The following GPCPD1 variants were observed in gnomAD, a reference collection of about 807,000 sequenced individuals.
The protein encoded by GPCPD1 is glycerophosphocholine phosphodiesterase GPCPD1.
Under a neutral mutation model 89.2 loss-of-function variants are expected in GPCPD1, and 29 were observed. The ratio of observed to expected loss-of-function variants is 0.33; its 90% CI spans 0.24 to 0.44. The LOEUF (loss-of-function observed/expected upper bound fraction) is 0.44, where lower values mean the gene tolerates loss of function less well. GPCPD1 is among the 20% of genes least tolerant of loss of function. The pLI is 1.00. For synonymous variants in GPCPD1, 258 were observed against 266.3 expected, an observed-to-expected ratio of 0.97 and a Z score of 0.30; for missense variants, 594 against 808.9, an observed-to-expected ratio of 0.73 and a Z score of 3.22.
chr20:5,610,971 T>C lies in GPCPD1; in HGVS notation c.-158A>G, dbSNP rs1325206019. On this transcript the variant is annotated 5_prime_UTR_variant, in exon 1 of 20. Coordinates refer to ENST00000379019, the MANE Select transcript of GPCPD1 (RefSeq NM_019593.5). ...TCCCCCCAGGCGGCCTGCCGCGGCG[T>C]CGAGCGGCAGGAAGCAGCCACGCTC... 1.3e-5 allele frequency: 2 copies of C among 151,734 alleles called. No homozygotes were observed. The highest frequency in any genetic ancestry group is 2.1e-4 in the South Asian group (1 of 4,830). 9.4% of individuals were successfully genotyped at this position (151,734 alleles called of 1,614,324 possible). A position where few individuals can be genotyped will look rare whatever the true frequency, so the allele number is the denominator to read the frequency against.
rs570088847 is a variant in GPCPD1, at chr20:5,554,094, G to A, written c.1829+3851C>T. 6.5e-4 allele frequency among the ~76,000 whole-genome samples: 88 copies of A among 135,322 alleles called. 19 individuals carry two copies. Among genetic ancestry groups the A allele is most frequent in the African/African-American group, 2.6e-3 (87 of 33,958 alleles). The allele number at this position is 135,322 out of a possible 152,430, so 88.8% of individuals were successfully genotyped here. ...GGCCATTCTCCTGCCTCAGCCTCCC[G>A]AGTAGCTGGGACTACAGGCGCCCGC... On this transcript the variant is annotated intron_variant, in intron 19 of 19. Coordinates refer to ENST00000379019, the MANE Select transcript of GPCPD1 (RefSeq NM_019593.5).
At chr20:5,557,881 T>C (rs1333915666) in intron 19 of GPCPD1, 64 bp downstream of exon 19, 2 of 870,048 alleles carry the variant, frequency 2.3e-6, no homozygotes, top group East Asian at 2.8e-5. Flanking sequence ...ATTTTATTTA[T>C]AATTTCGTAA....
intron 15 of GPCPD1, among the ~76,000 whole-genome samples, chr20:5,564,691 G>T (rs1439864943): frequency 6.6e-6 from 1 of 152,092 alleles, no homozygotes; most frequent in African/African-American, 2.4e-5. Flanking sequence ...AAAAAAATTA[G>T]CCAGGCATGG....
rs530719894 is a variant in GPCPD1, at chr20:5,566,722, T to C, written c.1267+11A>G. On this transcript the variant is annotated intron_variant, in intron 14 of 19. Transcript: ENST00000379019. ...ACAAAAGGAAAACAGTGTTTCCATA[T>C]TGGTACATACCTTTCCGATCCTTAG... 1.2e-5 allele frequency: 18 copies of C among 1,503,598 alleles called. No homozygotes were observed. The East Asian group carries it at 4.1e-4, about 34-fold the overall frequency. The allele number at this position is 1,503,598 out of a possible 1,614,324, so 93.1% of individuals were successfully genotyped here. A position where few individuals can be genotyped will look rare whatever the true frequency, so the allele number is the denominator to read the frequency against.
rs541104082 is a variant in GPCPD1, at chr20:5,576,037, A to G, written c.706-59T>C. On this transcript the variant is annotated intron_variant, in intron 8 of 19. Transcript: ENST00000379019. ...TTAAACTTCTACATTACATACATAC[A>G]TATACACACACACACACACACACAG... 31 of 720,398 alleles carry G rather than the reference A, an allele frequency of 4.3e-5. No homozygotes were observed. In the African/African-American group the frequency reaches 6.2e-4, roughly 14 times the overall value. The allele number at this position is 720,398 out of a possible 1,614,324, so 44.6% of individuals were successfully genotyped here. A position where few individuals can be genotyped will look rare whatever the true frequency, so the allele number is the denominator to read the frequency against.
At position 5,553,977 on chromosome 20, in the gene GPCPD1, C is replaced by CT. The variant is rs1220117175; in HGVS notation, c.1829+3967dup. ...TACATTGAACAACAGATTTTCTTTT[C>CT]TTTTTTTTTAAGACAGAGTCTCGCT... is the stretch of plus-strand genomic sequence containing the variant. On this transcript the variant is annotated intron_variant, in intron 19 of 19. Coordinates refer to ENST00000379019, the MANE Select transcript of GPCPD1 (RefSeq NM_019593.5). Among the ~76,000 whole-genome samples the CT allele has an allele frequency of 2.0e-4, 18 of 88,026 alleles. 2 individuals are homozygous for CT. The highest frequency in any genetic ancestry group is 3.3e-4 in the South Asian group (1 of 3,028). The allele number at this position is 88,026 out of a possible 152,430, so 57.7% of individuals were successfully genotyped here.
chr20:5,575,944 G>A lies in GPCPD1; in HGVS notation c.740C>T (p.Ala247Val), dbSNP rs1159029432. 1.1e-5 allele frequency: 18 copies of A among 1,603,834 alleles called. No individual in the cohort carries two copies. The Admixed American group carries it at 2.8e-4, about 25-fold the overall frequency. ...DLSEHVVQGD[A>V]LPGHVGTACL... is the part of the protein sequence containing the mutation. Reference sequence around the variant, plus strand: ...AGCTGTACCCACATGTCCAGGAAGGGCATCACCCTGAACTACGTGCTCACT... The same window carrying A: ...AGCTGTACCCACATGTCCAGGAAGGACATCACCCTGAACTACGTGCTCACT... The change falls in exon 9 of 20, where the codon GCC becomes GTC. Residue 247 changes from alanine to valine, a missense_variant. Physicochemically the swap from Ala to Val is moderately conservative, Grantham distance 64 (BLOSUM62 0). Coordinates refer to ENST00000379019, the MANE Select transcript of GPCPD1 (RefSeq NM_019593.5).
chr20:5,582,209 A>AC (rs1978578920), intron 6 of GPCPD1, among the ~76,000 whole-genome samples: 1 of 145,066 alleles, frequency 6.9e-6, no homozygotes, highest in African/African-American at 2.6e-5. Flanking sequence ...AAAAAAAAAA[A>AC]AAAAAAAAAA....
intron 2 of GPCPD1, among the ~76,000 whole-genome samples, chr20:5,601,531 G>A (rs1600804785): frequency 6.6e-6 from 1 of 151,866 alleles, no homozygotes; most frequent in East Asian, 1.9e-4. Flanking sequence ...ATCATGCCCG[G>A]CTAATTTTTG....
intron 4 of GPCPD1, among the ~76,000 whole-genome samples, chr20:5,592,024 G>GT (rs1183374733): frequency 6.6e-6 from 1 of 152,160 alleles, no homozygotes. Flanking sequence ...GCTGCTTTTG[G>GT]TAACATTTTC....
rs1978309105 is a variant in GPCPD1 at position 5,578,567 on chromosome 20, C to G, written c.518G>C (p.Arg173Thr). 5 of 1,613,266 alleles carry G rather than the reference C, an allele frequency of 3.1e-6. No homozygotes were observed. The highest frequency in any genetic ancestry group is 1.7e-5 in the Admixed American group (1 of 59,996). Residue 173 changes from arginine to threonine, a missense_variant, in exon 8 of 20, where the codon AGG becomes ACG. Arg to Thr is a moderately conservative substitution (Grantham distance 71, BLOSUM62 -1). Transcript: ENST00000379019. ...TTTGTGGAGTACAGTGGGAGATACC[C>G]TATCATCGTCATCTTCCTCCAGGCC... Reference protein sequence around the residue: ...LEGLEEDDDDRVSPTVLHKMS... With the variant: ...LEGLEEDDDDTVSPTVLHKMS...
chr20:5,579,814 T>A (rs1056567015), intron 7 of GPCPD1, among the ~76,000 whole-genome samples, 194 bp downstream of exon 7: 5 of 152,226 alleles, frequency 3.3e-5, no homozygotes, highest in Admixed American at 2.0e-4. Flanking sequence ...TGGTTCTACA[T>A]GTAGAAATTA....
chr20:5,583,202 C>CGGGTGGGGGTAAGAATTCCAGTCACTG, intron 6 of GPCPD1, among the ~76,000 whole-genome samples: 1 of 110,106 alleles, frequency 9.1e-6, no homozygotes, highest in Middle Eastern at 0.01. Context: ...CCAGCCTGGG[C>CGGGTGGGGGTAAGAATTCCAGTCACTG]AACAGGTGCA....
At chr20:5,607,195 G>A (rs1456110374) in intron 1 of GPCPD1, among the ~76,000 whole-genome samples, 1 of 152,152 alleles carries the variant, frequency 6.6e-6, no homozygotes, top group Admixed American at 6.6e-5. Flanking sequence ...GTTGAGGCGG[G>A]AGAATCACTT....
intron 15 of GPCPD1, among the ~76,000 whole-genome samples, chr20:5,562,852 T>C (rs1174104143): frequency 6.6e-6 from 1 of 152,244 alleles, no homozygotes; most frequent in Non-Finnish European, 1.5e-5. Flanking sequence ...GTATCTGTCA[T>C]ATTTTTGCTG....
intron 19 of GPCPD1, among the ~76,000 whole-genome samples, chr20:5,555,699 T>C (rs1465780366): frequency 6.6e-6 from 1 of 151,620 alleles, no homozygotes; most frequent in Non-Finnish European, 1.5e-5. Context: ...CTAGTAAAAA[T>C]ACAAAAATTA....
At chr20:5,581,909 G>A (rs1978528568) in intron 6 of GPCPD1, among the ~76,000 whole-genome samples, 1 of 143,962 alleles carries the variant, frequency 6.9e-6, no homozygotes, top group Non-Finnish European at 1.5e-5. Flanking sequence ...TCCAGGCCGG[G>A]CGCGGTGGCT....
intron 11 of GPCPD1, among the ~76,000 whole-genome samples, chr20:5,573,714 G>C (rs754274454): frequency 3.3e-5 from 5 of 152,160 alleles, no homozygotes; most frequent in Non-Finnish European, 4.4e-5. Flanking sequence ...CTGCATTCCA[G>C]GCCCAGGTGA....
rs575038243 is a variant in GPCPD1, at chr20:5,596,862, T to C, written c.146+1863A>G. On this transcript the variant is annotated intron_variant, in intron 3 of 19. Transcript: ENST00000379019. ...CCTTCTCCCTGTGAAACACTGTTTA[T>C]CTGCTACCTGTGAATCAATTCTATT... is the stretch of plus-strand genomic sequence containing the variant. Among the ~76,000 whole-genome samples the C allele has an allele frequency of 3.9e-5, 6 of 152,352 alleles. No individual in the cohort carries two copies. The South Asian group carries it at 1.2e-3, about 32-fold the overall frequency.
Sources: gnomAD v4.1 joint callset for allele counts (sites outside exome capture counted in the v4.1 genomes callset) on GRCh38, gnomAD v4.1.1 for gene constraint, MANE v1.5 for transcripts, NCBI Gene and HGNC (gene_info 2026-07-23, HGNC 2026-07-21) for gene names.